The following LRRTM4 variants were observed in gnomAD, a reference collection of about 807,000 sequenced individuals.
The protein encoded by LRRTM4 is leucine rich repeat transmembrane neuronal 4, also known as leucine-rich repeat transmembrane neuronal protein 4.
A neutral mutation model predicts 47.6 loss-of-function variants in LRRTM4; 25 were observed. The observed-to-expected ratio is 0.53, with a 90% CI of 0.38 to 0.73. The LOEUF is 0.73. Ranked by LOEUF, LRRTM4 falls within the 30% of genes least tolerant of loss-of-function variation. The probability of loss-of-function intolerance (pLI) is 0.00; values close to 1 mark genes in which losing one functional copy is unlikely to be tolerated. For missense variants in LRRTM4, 638 were observed against 713.4 expected, an observed-to-expected ratio of 0.89 and a Z score of 1.20; for synonymous variants, 311 against 269.5, an observed-to-expected ratio of 1.15 and a Z score of -1.51.
At chr2:77,406,716 C>A (rs1674202168) in intron 3 of LRRTM4, among the ~76,000 whole-genome samples, 1 of 152,070 alleles carries the variant, frequency 6.6e-6, no homozygotes, top group Admixed American at 6.6e-5. Flanking sequence ...TTGCACAGTG[C>A]ATAGATTGAA....
At chr2:77,054,280 AAAAT>A (rs1679532205) in intron 3 of LRRTM4, among the ~76,000 whole-genome samples, 1 of 151,188 alleles carries the variant, frequency 6.6e-6, no homozygotes, top group African/African-American at 2.5e-5. Flanking sequence ...AAACTCTTCA[AAAAT>A]AAATTGGTTG....
Position 76,972,208 on chromosome 2 carries a change from C to A in LRRTM4, c.1552-223292G>T, listed in dbSNP as rs553665665. 9.2e-5 allele frequency among the ~76,000 whole-genome samples: 14 copies of A among 152,030 alleles called. No homozygotes were observed. In the South Asian group the frequency reaches 1.2e-3, roughly 14 times the overall value. On this transcript the variant is annotated intron_variant, in intron 3 of 3. Transcript: ENST00000409884. ...AGAAACTCTAGTCAAATCTACCCAT[C>A]CAATTAGGTGAGAGAGGACTGAGGA...
chr2:76,897,571 A>G (rs1673465302), intron 3 of LRRTM4, among the ~76,000 whole-genome samples: 1 of 152,184 alleles, frequency 6.6e-6, no homozygotes, highest in African/African-American at 2.4e-5. Context: ...GAAAAGGAGT[A>G]AGAAGGAGTC....
intron 3 of LRRTM4, among the ~76,000 whole-genome samples, chr2:77,257,444 A>C (rs1675801385): frequency 6.6e-6 from 1 of 152,154 alleles, no homozygotes; most frequent in Non-Finnish European, 1.5e-5. Context: ...ACTGCCAGTT[A>C]AAACCACTCA....
At chr2:77,106,966 CTA>C (rs1029986196) in intron 3 of LRRTM4, among the ~76,000 whole-genome samples, 31 of 151,992 alleles carry the variant, frequency 2.0e-4, no homozygotes, top group Middle Eastern at 3.5e-3. Flanking sequence ...AAAAAAGAAA[CTA>C]TATGTAAGAA....
intron 3 of LRRTM4, among the ~76,000 whole-genome samples, chr2:77,427,989 A>G (rs1389373597): frequency 6.6e-6 from 1 of 152,138 alleles, no homozygotes; most frequent in Non-Finnish European, 1.5e-5. Context: ...AGTGGGAAGT[A>G]ATTGAACCAT....
intron 3 of LRRTM4, among the ~76,000 whole-genome samples, chr2:77,305,683 C>T (rs189302725): frequency 6.6e-6 from 1 of 151,842 alleles, no homozygotes; most frequent in Non-Finnish European, 1.5e-5. Flanking sequence ...TGTTATACTA[C>T]TAAAAGTTGG....
intron 3 of LRRTM4, among the ~76,000 whole-genome samples, chr2:76,901,875 G>A (rs1673649607): frequency 6.6e-6 from 1 of 152,088 alleles, no homozygotes; most frequent in Non-Finnish European, 1.5e-5. Context: ...GTGCATTTGA[G>A]GAGTATCATT....
intron 3 of LRRTM4, among the ~76,000 whole-genome samples, chr2:76,843,102 A>C (rs1671735297): frequency 6.6e-6 from 1 of 152,154 alleles, no homozygotes; most frequent in Non-Finnish European, 1.5e-5. Flanking sequence ...GCTTGCTTAC[A>C]TTTCCAAGTG....
intron 3 of LRRTM4, among the ~76,000 whole-genome samples, chr2:77,301,774 A>G (rs1202865191): frequency 6.6e-6 from 1 of 152,132 alleles, no homozygotes; most frequent in African/African-American, 2.4e-5. Flanking sequence ...ATAGTATCCT[A>G]TTCTCTTTAT....
At chr2:77,392,580 G>A (rs898742130) in intron 3 of LRRTM4, among the ~76,000 whole-genome samples, 1 of 152,004 alleles carries the variant, frequency 6.6e-6, no homozygotes, top group Non-Finnish European at 1.5e-5. Flanking sequence ...CAACATAGAT[G>A]AACCTGAATG....
intron 3 of LRRTM4, among the ~76,000 whole-genome samples, chr2:77,239,241 A>G (rs942687002): frequency 1.3e-5 from 2 of 151,988 alleles, no homozygotes; most frequent in Non-Finnish European, 2.9e-5. Context: ...ACTAGTGTGC[A>G]TACTACATGG....
chr2:77,499,941 T>A lies in LRRTM4; in HGVS notation c.1551+18377A>T, dbSNP rs1678509104. 2.6e-5 allele frequency among the ~76,000 whole-genome samples: 4 copies of A among 151,838 alleles called. 1 individual carries two copies. In the East Asian group the frequency reaches 7.8e-4, roughly 30 times the overall value. On this transcript the variant is annotated intron_variant, in intron 3 of 3. Coordinates refer to ENST00000409884, the MANE Select transcript of LRRTM4 (RefSeq NM_001134745.3). The stretch of plus-strand genomic sequence containing the variant: ...GGTTACTTTGACTTTCTTGTTCTTG[T>A]CATTCCAGAAATTATAAGATCTAGT...
chr2:77,361,355 C>T (rs12467328), intron 3 of LRRTM4, among the ~76,000 whole-genome samples: 16,529 of 152,042 alleles, frequency 0.11, 1,735 homozygotes, highest in African/African-American at 0.26. Context: ...GAAACTTCCT[C>T]CCCAAGCTAA....
At chr2:76,815,133 TAAGAA>T (rs1395826827) in intron 3 of LRRTM4, among the ~76,000 whole-genome samples, 7 of 151,774 alleles carry the variant, frequency 4.6e-5, no homozygotes, top group South Asian at 2.1e-4. Context: ...AAGAAATAAA[TAAGAA>T]AAGAAATAAA....
chr2:76,774,450 A>G (rs1163069577), intron 3 of LRRTM4, among the ~76,000 whole-genome samples: 2 of 152,296 alleles, frequency 1.3e-5, no homozygotes, highest in Middle Eastern at 3.4e-3. Context: ...TTGGCCTCAC[A>G]AAGTGCTGGG....
At chr2:77,045,625 AAGG>A (rs1292794264) in intron 3 of LRRTM4, among the ~76,000 whole-genome samples, 17 of 152,028 alleles carry the variant, frequency 1.1e-4, no homozygotes, top group African/African-American at 3.6e-4. Context: ...TGGTTATTAT[AAGG>A]AGGAGTTTTC....
intron 3 of LRRTM4, among the ~76,000 whole-genome samples, chr2:77,138,373 C>T (rs1672011966): frequency 6.6e-6 from 1 of 152,154 alleles, no homozygotes; most frequent in African/African-American, 2.4e-5. Context: ...TGAATGACTA[C>T]TGGGTACATA....
intron 3 of LRRTM4, among the ~76,000 whole-genome samples, chr2:77,004,988 G>A (rs866871952): frequency 2.6e-5 from 4 of 152,208 alleles, no homozygotes; most frequent in African/African-American, 9.6e-5. Flanking sequence ...CTGTACCCCA[G>A]TTGTATCTAA....
Sources: gnomAD v4.1 joint callset for allele counts (sites outside exome capture counted in the v4.1 genomes callset) on GRCh38, gnomAD v4.1.1 for gene constraint, MANE v1.5 for transcripts, NCBI Gene and HGNC (gene_info 2026-07-23, HGNC 2026-07-21) for gene names.